The following CCDC150 variants were observed in gnomAD, a reference collection of about 807,000 sequenced individuals.
The protein encoded by CCDC150 is coiled-coil domain-containing protein 150.
CCDC150 carries 151 observed loss-of-function variants against 156.5 expected under a neutral mutation model. That is an observed-to-expected ratio of 0.97 (90% CI 0.85 to 1.10). The LOEUF (loss-of-function observed/expected upper bound fraction) is 1.10. Among genes scored for constraint, CCDC150 ranks in the 50% least tolerant of loss-of-function variants. The pLI, the probability that CCDC150 is intolerant of heterozygous loss-of-function variation, is 0.00. For synonymous variants in CCDC150, 452 were observed against 429.4 expected (o/e 1.05, Z -0.65); for missense variants, 1,312 against 1,268.1 (o/e 1.03, Z -0.53).
chr2:196,679,502 G>T (rs776678105), intron 13 of CCDC150, among the ~76,000 whole-genome samples: 1 of 151,996 alleles, frequency 6.6e-6, no homozygotes, highest in Non-Finnish European at 1.5e-5. Context: ...CTGCTCCATT[G>T]CCTGGATGTA....
In CCDC150 at chr2:196,646,228, A is replaced by G. The variant is rs531382089; in HGVS notation, c.13-113A>G. The G allele has an allele frequency of 4.8e-5, 45 of 940,932 alleles. No homozygotes were observed. In the Middle Eastern group the frequency reaches 1.1e-3, roughly 23 times the overall value. The allele number at this position is 940,932 out of a possible 1,614,324, so 58.3% of individuals were successfully genotyped here. On this transcript the variant is annotated intron_variant, in intron 1 of 27. Transcript: ENST00000389175. ...TTAATTGGCCAAAGCAGAACACATC[A>G]CCATTCCTGAGTTCAACAGGACAGT...
chr2:196,691,580 T>C (rs1317952632), intron 13 of CCDC150, among the ~76,000 whole-genome samples: 1 of 131,216 alleles, frequency 7.6e-6, no homozygotes, highest in Non-Finnish European at 1.6e-5. Context: ...TCTGATTGTG[T>C]TTATTTGAAA....
intron 14 of CCDC150, among the ~76,000 whole-genome samples, chr2:196,697,802 C>A (rs1695926669): frequency 1.3e-5 from 2 of 152,194 alleles, no homozygotes; most frequent in South Asian, 4.1e-4. Flanking sequence ...CTAACTTGTA[C>A]AGCTCACCTA....
intron 8 of CCDC150, among the ~76,000 whole-genome samples, chr2:196,670,637 A>G (rs1694144968): frequency 6.6e-6 from 1 of 150,804 alleles, no homozygotes; most frequent in Non-Finnish European, 1.5e-5. Flanking sequence ...ATCTTCACTT[A>G]TAACTTTAAA....
rs1403346052 is a variant in CCDC150 at position 196,656,646 on chromosome 2, G to A, written c.190G>A (p.Ala64Thr). ...ATCTTTGTCCAGAGGCTATTTGGAA[G>A]CTCCAGACTGTTTAGAAGACCTGGA... ...DFGEKRGYLE[A>T]PDCLEDLDSQ... Residue 64 changes from alanine to threonine, a missense_variant, in exon 3 of 28, where the codon GCT becomes ACT. Transcript: ENST00000389175. 2.5e-6 allele frequency: 4 copies of A among 1,607,610 alleles called. No homozygotes were observed. In the African/African-American group the frequency reaches 4.0e-5, roughly 16 times the overall value.
At chr2:196,729,112 G>A (rs2125718850) in intron 22 of CCDC150, 81 bp from the exon 23 acceptor site, 1 of 1,232,704 alleles carries the variant, frequency 8.1e-7, no homozygotes, top group Non-Finnish European at 1.1e-6. Context: ...ATCCAAAGAT[G>A]ATAAAATATA....
chr2:196,645,425 C>G (rs923289790), intron 1 of CCDC150, among the ~76,000 whole-genome samples: 5 of 152,206 alleles, frequency 3.3e-5, no homozygotes, highest in African/African-American at 1.2e-4. Context: ...TTCCTGATAT[C>G]CCAAGTTGGA....
At chr2:196,713,646 T>C (rs919142061) in intron 17 of CCDC150, 9 of 1,429,634 alleles carry the variant, frequency 6.3e-6, no homozygotes, top group Middle Eastern at 1.8e-4. Flanking sequence ...AGACCTTTAA[T>C]AAATGATGAA....
Position 196,676,109 on chromosome 2 carries a change from A to G in CCDC150, c.1138-34A>G, listed in dbSNP as rs768793070. 8 of 1,610,312 alleles carry G rather than the reference A, an allele frequency of 5.0e-6. No individual in the cohort carries two copies. In the East Asian group the frequency reaches 1.8e-4, roughly 36 times the overall value. On this transcript the variant is annotated intron_variant, in intron 10 of 27. Transcript: ENST00000389175. ...GACACCCTATCAAAAGACTTTGTGG[A>G]GCTTCAACTTCTAATATTGCTTTTA...
chr2:196,677,209 A>C lies in CCDC150; in HGVS notation c.1441-84A>C, dbSNP rs945736261. 8.2e-6 allele frequency: 7 copies of C among 856,776 alleles called. No homozygotes were observed. The African/African-American group carries it at 1.2e-4, about 14-fold the overall frequency. The allele number at this position is 856,776 out of a possible 1,614,324, so 53.1% of individuals were successfully genotyped here. On this transcript the variant is annotated intron_variant, in intron 12 of 27. Coordinates refer to ENST00000389175, the MANE Select transcript of CCDC150 (RefSeq NM_001080539.2). ...CTCTGCAGTGTAGGTATTAATTGAC[A>C]TGCAGGATATGTGTGCTATAGTGGA... is the stretch of plus-strand genomic sequence containing the variant.
In CCDC150 at chr2:196,718,608, G is replaced by T; in HGVS notation, c.1972G>T (p.Val658Leu). 6.2e-7 allele frequency: 1 copy of T among 1,613,522 alleles called. No homozygotes were observed. The highest frequency in any genetic ancestry group is 8.5e-7 in the Non-Finnish European group (1 of 1,179,576). The change falls in exon 18 of 28, where the codon GTG (valine) becomes TTG (leucine). Residue 658 changes from valine to leucine, a missense_variant. Val to Leu is a conservative substitution (Grantham distance 32). Transcript: ENST00000389175. ...GAAGTTGAAAGAAGACCTCGAGGCT[G>T]TGGAGGACAGGGAAAACAAGAAGGC... ...SQKLKEDLEA[V>L]EDRENKKVGN...
In CCDC150 at chr2:196,729,318, T is replaced by C. The variant is rs1190444904; in HGVS notation, c.2682T>C (p.Asn894=). ...ILESNKEKIK[N]QKTQIKLHLS... is the part of the protein sequence containing the mutation. ...AAAGTAACAAGGAGAAAATAAAGAA[T>C]CAAAAGACCCAAATTAAGCTCCACT... The change falls in exon 23 of 28, where the codon AAT becomes AAC. Residue 894 remains asparagine (N), a synonymous_variant. Coordinates refer to ENST00000389175, the MANE Select transcript of CCDC150 (RefSeq NM_001080539.2). The C allele has an allele frequency of 1.2e-6, 2 of 1,613,312 alleles. No individual in the cohort carries two copies. The highest frequency in any genetic ancestry group is 3.3e-5 in the Admixed American group (2 of 59,942).
chr2:196,731,586 G>A (rs2680966), intron 26 of CCDC150, among the ~76,000 whole-genome samples: 116,786 of 151,276 alleles, frequency 0.77, 45,284 homozygotes, highest in East Asian at 0.97. Flanking sequence ...AGGTTCCACT[G>A]TGTTGCCAGG....
At chr2:196,724,660 G>T (rs886712470) in intron 21 of CCDC150, among the ~76,000 whole-genome samples, 8 of 152,292 alleles carry the variant, frequency 5.3e-5, no homozygotes, top group African/African-American at 1.9e-4. Flanking sequence ...GATCCAGGCA[G>T]CAGCAGGCTG....
At chr2:196,684,497 G>A (rs1371336987) in intron 13 of CCDC150, among the ~76,000 whole-genome samples, 2 of 152,090 alleles carry the variant, frequency 1.3e-5, no homozygotes, top group Non-Finnish European at 2.9e-5. Flanking sequence ...TGTTCCATGT[G>A]CATTTGAGAA....
chr2:196,721,706 G>A lies in CCDC150; in HGVS notation c.2429+15G>A, dbSNP rs1575964364. On this transcript the variant is annotated intron_variant, in intron 21 of 27. Coordinates refer to ENST00000389175, the MANE Select transcript of CCDC150 (RefSeq NM_001080539.2). ...GAAACCTTCAAGTAAGAGCATTATAGTTGCAGTAAAATTAGGGAAGCACCT... is the reference window on the plus strand; with the variant it reads ...GAAACCTTCAAGTAAGAGCATTATAATTGCAGTAAAATTAGGGAAGCACCT... 1.3e-6 allele frequency: 2 copies of A among 1,566,714 alleles called. No individual in the cohort carries two copies. The highest frequency in any genetic ancestry group is 1.4e-5 in the African/African-American group (1 of 73,484).
chr2:196,648,678 T>C (rs1434128572), intron 2 of CCDC150, among the ~76,000 whole-genome samples: 1 of 152,240 alleles, frequency 6.6e-6, no homozygotes, highest in Non-Finnish European at 1.5e-5. Flanking sequence ...TTGTTGCCTG[T>C]GCTTTGGGAG....
rs61745387 is a variant in CCDC150, at chr2:196,725,977, C to T, written c.2434C>T (p.Arg812Trp). 29 of 1,593,936 alleles carry T rather than the reference C, an allele frequency of 1.8e-5. No individual in the cohort carries two copies. In the African/African-American group the frequency reaches 2.7e-4, roughly 15 times the overall value. The change falls in exon 22 of 28, where the codon CGG (arginine) becomes TGG (tryptophan). Residue 812 changes from arginine to tryptophan, a missense_variant. Physicochemically the swap from Arg to Trp is moderately radical, Grantham distance 101. Transcript: ENST00000389175. ...CACCTCTCTTCTTCAAAACAGAGAC[C>T]GGATGACTGAAGAGTCCAAAGTGGA... The part of the protein sequence containing the change: ...ERQNLETFKD[R>W]MTEESKVEAE...
chr2:196,641,337 T>TC (rs891215911), intron 1 of CCDC150, among the ~76,000 whole-genome samples: 3 of 152,038 alleles, frequency 2.0e-5, no homozygotes, highest in African/African-American at 7.2e-5. Context: ...TGTTACTCCT[T>TC]CCTCTCCAGC....
Sources: gnomAD v4.1 joint callset for allele counts (sites outside exome capture counted in the v4.1 genomes callset) on GRCh38, gnomAD v4.1.1 for gene constraint, MANE v1.5 for transcripts, NCBI Gene and HGNC (gene_info 2026-07-23, HGNC 2026-07-21) for gene names.